The following CMSS1 variants were observed in gnomAD, a reference collection of about 807,000 sequenced individuals.
CMSS1 encodes protein CMSS1.
In CMSS1, 33 loss-of-function variants were observed where a neutral mutation model predicts 43.5. The ratio of observed to expected loss-of-function variants is 0.76; its 90% confidence interval spans 0.57 to 1.01. The LOEUF (loss-of-function observed/expected upper bound fraction) is 1.01, where lower values mean the gene tolerates loss of function less well. Ranked by LOEUF, CMSS1 falls within the 50% of genes least tolerant of loss-of-function variation. The pLI is 0.00. For synonymous variants in CMSS1, 115 were observed against 117.2 expected, an observed-to-expected ratio of 0.98 and a Z score of 0.12; for missense variants, 313 against 326.4, an observed-to-expected ratio of 0.96 and a Z score of 0.32.
At position 100,132,797 on chromosome 3, in the gene CMSS1, C is replaced by T. The variant is rs1352878172; in HGVS notation, c.65-14176C>T. ...TCCCGCCACTGCACTCCAGCCTGGG[C>T]GACAGAGCAAGACTCCATCCCAAAA... On this transcript the variant is annotated intron_variant, in intron 1 of 9. Transcript: ENST00000421999. Among the ~76,000 whole-genome samples, 17 of 124,028 alleles carry T rather than the reference C, an allele frequency of 1.4e-4. No homozygotes were observed. The South Asian group carries it at 3.2e-3, about 24-fold the overall frequency. The allele number at this position is 124,028 out of a possible 152,430, so 81.4% of individuals were successfully genotyped here.
intron 1 of CMSS1, among the ~76,000 whole-genome samples, chr3:100,124,889 ACTCT>A (rs2066651203): frequency 8.1e-6 from 1 of 122,830 alleles, no homozygotes; most frequent in African/African-American, 3.2e-5. Flanking sequence ...TCAGGTACTA[ACTCT>A]CAGATCCCCG....
chr3:100,036,911 A>C (rs1485032557), intron 1 of CMSS1, among the ~76,000 whole-genome samples: 1 of 152,184 alleles, frequency 6.6e-6, no homozygotes, highest in African/African-American at 2.4e-5. Flanking sequence ...CCAAATATGC[A>C]TAATTAATTT....
intron 1 of CMSS1, among the ~76,000 whole-genome samples, chr3:99,844,707 G>C (rs942519304): frequency 6.6e-6 from 1 of 152,156 alleles, no homozygotes; most frequent in African/African-American, 2.4e-5. Context: ...TTATGTATGT[G>C]GTTTAGCTCT....
intron 1 of CMSS1, among the ~76,000 whole-genome samples, chr3:99,924,711 A>G (rs962488626): frequency 5.3e-5 from 8 of 151,980 alleles, no homozygotes; most frequent in African/African-American, 1.7e-4. Flanking sequence ...TAGTAGAGAC[A>G]GGGTTTCTCC....
chr3:99,878,736 A>G (rs1705622718), intron 1 of CMSS1, among the ~76,000 whole-genome samples: 2 of 152,226 alleles, frequency 1.3e-5, no homozygotes, highest in Non-Finnish European at 2.9e-5. Flanking sequence ...ACTTCAAACG[A>G]AAGTCAAGGG....
chr3:99,865,396 G>C (rs753506990), intron 1 of CMSS1, among the ~76,000 whole-genome samples: 1 of 152,068 alleles, frequency 6.6e-6, no homozygotes, highest in Middle Eastern at 3.2e-3. Context: ...GTGAATTTGT[G>C]TGCTGTAATA....
chr3:99,962,125 TC>T (rs1231126255), intron 1 of CMSS1, among the ~76,000 whole-genome samples: 4 of 152,152 alleles, frequency 2.6e-5, no homozygotes, highest in African/African-American at 9.7e-5. Context: ...AGGAAGGTAT[TC>T]CAGGAAGGAC....
At chr3:100,091,883 T>C (rs1042195340) in intron 1 of CMSS1, among the ~76,000 whole-genome samples, 13 of 152,368 alleles carry the variant, frequency 8.5e-5, no homozygotes, top group African/African-American at 3.1e-4. Context: ...TAATTGAAAC[T>C]GTAAAGGCAG....
chr3:100,080,141 A>C (rs1559750670), intron 1 of CMSS1, among the ~76,000 whole-genome samples: 2 of 152,096 alleles, frequency 1.3e-5, no homozygotes, highest in African/African-American at 2.4e-5. Flanking sequence ...ATTAATAAAA[A>C]ATTAAAAATT....
chr3:99,840,907 G>A (rs1943103836), intron 1 of CMSS1, among the ~76,000 whole-genome samples: 1 of 152,132 alleles, frequency 6.6e-6, no homozygotes, highest in Admixed American at 6.5e-5. Context: ...ATCTACTGTG[G>A]TCTTCCTTAA....
intron 1 of CMSS1, among the ~76,000 whole-genome samples, chr3:100,014,646 A>ACATCC (rs1212149759): frequency 1.3e-5 from 2 of 151,938 alleles, no homozygotes; most frequent in Non-Finnish European, 2.9e-5. Flanking sequence ...TTCTTTTGAG[A>ACATCC]AATGTCTTTT....
intron 1 of CMSS1, among the ~76,000 whole-genome samples, chr3:100,003,582 A>G (rs977306496): frequency 2.0e-5 from 3 of 152,196 alleles, no homozygotes; most frequent in Admixed American, 6.6e-5. Flanking sequence ...TTAGAATCTC[A>G]GTCCCTTGAC....
At chr3:100,121,092 G>T (rs1257487970) in intron 1 of CMSS1, among the ~76,000 whole-genome samples, 1 of 152,042 alleles carries the variant, frequency 6.6e-6, no homozygotes, top group East Asian at 1.9e-4. Flanking sequence ...CTGAATTCAA[G>T]CAAACTCTTT....
intron 1 of CMSS1, among the ~76,000 whole-genome samples, chr3:99,924,956 G>T (rs562729630): frequency 3.2e-4 from 49 of 152,282 alleles, no homozygotes; most frequent in African/African-American, 1.2e-3. Context: ...GTCCCTGTGG[G>T]TATCAACTGT....
At chr3:100,170,735 C>T (rs768690030) in intron 6 of CMSS1, among the ~76,000 whole-genome samples, 2 of 152,166 alleles carry the variant, frequency 1.3e-5, no homozygotes, top group South Asian at 4.1e-4. Context: ...AAGGCAGGCA[C>T]GGCAGGTGCA....
At chr3:100,172,952 A>G (rs1248185488) in intron 8 of CMSS1, among the ~76,000 whole-genome samples, 4 of 152,160 alleles carry the variant, frequency 2.6e-5, no homozygotes, top group African/African-American at 7.2e-5. Flanking sequence ...TAACCTGCCA[A>G]TTATCTTATT....
chr3:99,834,842 G>A (rs1044096251), intron 1 of CMSS1, among the ~76,000 whole-genome samples: 1 of 152,164 alleles, frequency 6.6e-6, no homozygotes, highest in Non-Finnish European at 1.5e-5. Flanking sequence ...GTCTCTTTGA[G>A]CAAACACTTT....
intron 1 of CMSS1, among the ~76,000 whole-genome samples, chr3:99,906,628 GA>G (rs1197456030): frequency 6.6e-6 from 1 of 152,168 alleles, no homozygotes. Context: ...CTGAAACACA[GA>G]AAGGTTAAGT....
intron 1 of CMSS1, among the ~76,000 whole-genome samples, chr3:100,017,051 C>T (rs2107216109): frequency 1.3e-5 from 2 of 152,312 alleles, no homozygotes; most frequent in Middle Eastern, 6.8e-3. Context: ...CAGTTTCTCA[C>T]ATGTGTGTAT....
Sources: gnomAD v4.1 joint callset for allele counts (sites outside exome capture counted in the v4.1 genomes callset) on GRCh38, gnomAD v4.1.1 for gene constraint, MANE v1.5 for transcripts, NCBI Gene and HGNC (gene_info 2026-07-23, HGNC 2026-07-21) for gene names.